RMP64: variants seen among roughly 807,000 people sequenced by gnomAD.
RMP64 encodes ribonuclease MRP subunit p64.
At chr3:113,012,962 T>G in the RMP64 span, 1 of 626,682 alleles carries the variant, frequency 1.6e-6, no homozygotes. Context: ...ATTTAAAACT[T>G]TAAAATATGG....
At chr3:113,019,277 C>G in the RMP64 span, 1 of 501,396 alleles carries the variant, frequency 2.0e-6, no homozygotes, top group Non-Finnish European at 3.5e-6. Context: ...TCCGCCCCCT[C>G]AGCGCACGGC....
chr3:113,009,548 T>C, the RMP64 span: 4 of 152,220 alleles, frequency 2.6e-5, no homozygotes, highest in African/African-American at 9.7e-5. Flanking sequence ...CAAAGCACCA[T>C]AGTTCTTGAG....
the RMP64 span, among the ~76,000 whole-genome samples, chr3:113,015,834 G>C: frequency 2.8e-5 from 4 of 142,502 alleles, no homozygotes; most frequent in African/African-American, 5.3e-5. Context: ...TAAGTACAAA[G>C]AGGAGGCCCA....
At chr3:113,008,228 A>G in the RMP64 span, 1 of 1,614,180 alleles carries the variant, frequency 6.2e-7, no homozygotes, top group Non-Finnish European at 8.5e-7. Flanking sequence ...TTTGTTACCC[A>G]GAAAAATGGC....
chr3:113,017,569 T>C, the RMP64 span: 2 of 1,614,192 alleles, frequency 1.2e-6, no homozygotes, highest in Non-Finnish European at 1.7e-6. Flanking sequence ...TATGACGAGA[T>C]GGCATTCTTT....
the RMP64 span, among the ~76,000 whole-genome samples, chr3:113,015,800 T>C: frequency 6.9e-6 from 1 of 145,556 alleles, no homozygotes; most frequent in Non-Finnish European, 1.5e-5. Flanking sequence ...AACTTTACCA[T>C]GACACAGACT....
chr3:113,008,292 C>A, the RMP64 span: 1 of 1,614,166 alleles, frequency 6.2e-7, no homozygotes, highest in East Asian at 2.2e-5. Flanking sequence ...TGGATTTCTT[C>A]AGAAAGTTGT....
chr3:113,004,109 G>A, the RMP64 span: 1 of 152,180 alleles, frequency 6.6e-6, no homozygotes, highest in Admixed American at 6.5e-5. Context: ...GGTATTGTCT[G>A]TATTTTAAGG....
At chr3:113,017,539 G>T in the RMP64 span, 1 of 1,614,050 alleles carries the variant, frequency 6.2e-7, no homozygotes, top group Non-Finnish European at 8.5e-7. Context: ...TGCATCTAAG[G>T]TTTGGCTCTT....
the RMP64 span, chr3:113,009,622 C>A: frequency 6.6e-6 from 1 of 152,316 alleles, no homozygotes; most frequent in Admixed American, 6.5e-5. Context: ...TGAAACCATA[C>A]TGCCTGCATT....
the RMP64 span, chr3:113,010,587 G>T: frequency 1.5e-6 from 2 of 1,368,386 alleles, no homozygotes; most frequent in East Asian, 4.6e-5. Flanking sequence ...TTGGTAAGAA[G>T]CATCCTCTAC....
At chr3:113,014,942 G>C in the RMP64 span, 4 of 152,084 alleles carry the variant, frequency 2.6e-5, no homozygotes, top group Non-Finnish European at 5.9e-5. Context: ...AAAGGATGGT[G>C]TCCAGACTTG....
At chr3:113,013,942 C>A in the RMP64 span, 1 of 1,598,444 alleles carries the variant, frequency 6.3e-7, no homozygotes, top group Non-Finnish European at 8.6e-7. Context: ...GCAACTGGAC[C>A]ACTTACTTAC....
the RMP64 span, chr3:113,004,750 T>C: frequency 6.6e-6 from 1 of 152,236 alleles, no homozygotes; most frequent in Non-Finnish European, 1.5e-5. Context: ...TCTAGCCTCA[T>C]TCCTGGGTCT....
the RMP64 span, chr3:113,010,555 T>G: frequency 7.3e-6 from 8 of 1,091,898 alleles, no homozygotes; most frequent in Admixed American, 3.7e-5. Flanking sequence ...GGGGATAAAA[T>G]GAAAAGATTC....
the RMP64 span, among the ~76,000 whole-genome samples, chr3:113,018,145 A>G: frequency 9.2e-5 from 14 of 152,244 alleles, no homozygotes; most frequent in African/African-American, 3.4e-4. Context: ...TTATTTGATG[A>G]ACACCGGGTG....
the RMP64 span, among the ~76,000 whole-genome samples, chr3:113,006,525 A>T: frequency 1.1e-4 from 16 of 152,304 alleles, no homozygotes; most frequent in Non-Finnish European, 1.9e-4. Context: ...AGCTACCCTA[A>T]TTATGATTCA....
chr3:113,016,755 T>C, the RMP64 span, among the ~76,000 whole-genome samples: 1 of 152,206 alleles, frequency 6.6e-6, no homozygotes, highest in Non-Finnish European at 1.5e-5. Flanking sequence ...CTAAGCAGAA[T>C]GCCTGGCACA....
At chr3:113,014,061 T>C in the RMP64 span, 4 of 1,428,082 alleles carry the variant, frequency 2.8e-6, no homozygotes, top group Non-Finnish European at 4.0e-6. Flanking sequence ...TTCAAATTCA[T>C]GTGTATGTAA....
Sources: allele counts gnomAD v4.1 joint callset (sites outside exome capture counted in the v4.1 genomes callset), GRCh38; gene constraint gnomAD v4.1.1; transcripts MANE v1.5; gene names NCBI Gene and HGNC (gene_info 2026-07-23, HGNC 2026-07-21).